GATA4: variants seen among roughly 807,000 people sequenced by gnomAD.
GATA4 encodes GATA binding protein 4, also known as transcription factor GATA-4.
A neutral mutation model predicts 37.9 loss-of-function variants in GATA4; 7 were observed. The ratio of observed to expected loss-of-function variants is 0.18; its 90% confidence interval spans 0.11 to 0.35. GATA4 has a LOEUF of 0.35. Ranked by LOEUF, GATA4 falls within the 10% of genes least tolerant of loss-of-function variation. The probability of loss-of-function intolerance (pLI) is 1.00; values close to 1 mark genes in which losing one functional copy is unlikely to be tolerated. For synonymous variants in GATA4, 372 were observed against 292.6 expected (o/e 1.27, Z -2.77); for missense variants, 647 against 653.0 (o/e 0.99, Z 0.10).
chr8:11,725,682 C>T (rs764590302), intron 2 of GATA4, among the ~76,000 whole-genome samples: 31 of 152,214 alleles, frequency 2.0e-4, no homozygotes, highest in Admixed American at 1.2e-3. Flanking sequence ...CTGCTGCCTG[C>T]CTGTCGTGGC....
chr8:11,752,364 G>A lies in GATA4; in HGVS notation c.912+2128G>A, dbSNP rs544077322. On this transcript the variant is annotated intron_variant, in intron 4 of 6. Transcript: ENST00000532059. ...CTTAATGGACTCACAGTTCCACATC[G>A]CTGGGGAGGCCTCACAATCATGGCG... Among the ~76,000 whole-genome samples, 14 of 152,294 alleles carry A rather than the reference G, an allele frequency of 9.2e-5. 2 individuals carry two copies. Among genetic ancestry groups the A allele is most frequent in the African/African-American group, 2.4e-4 (10 of 41,558 alleles).
At chr8:11,727,549 A>C (rs1291951967) in intron 2 of GATA4, among the ~76,000 whole-genome samples, 1 of 152,198 alleles carries the variant, frequency 6.6e-6, no homozygotes, top group African/African-American at 2.4e-5. Flanking sequence ...ACCTGATTTA[A>C]AATTCCTGCT....
chr8:11,727,576 C>G (rs972961897), intron 2 of GATA4, among the ~76,000 whole-genome samples: 27 of 152,206 alleles, frequency 1.8e-4, no homozygotes, highest in African/African-American at 6.5e-4. Flanking sequence ...GGTGCGGTGG[C>G]TCACACCTGT....
chr8:11,689,816 C>G (rs75807072), upstream of GATA4, among the ~76,000 whole-genome samples: 269 of 152,290 alleles, frequency 1.8e-3, 1 homozygote, highest in African/African-American at 6.1e-3. Context: ...TATCTCTGAT[C>G]CTCTCACCCT....
intron 2 of GATA4, among the ~76,000 whole-genome samples, chr8:11,741,828 C>T (rs1395739453): frequency 6.6e-6 from 1 of 152,234 alleles, no homozygotes; most frequent in African/African-American, 2.4e-5. Context: ...CTCTGAACTC[C>T]TGCAGCCCTT....
chr8:11,721,008 C>T (rs528952529), intron 2 of GATA4, among the ~76,000 whole-genome samples: 28 of 152,214 alleles, frequency 1.8e-4, no homozygotes, highest in Admixed American at 5.2e-4. Context: ...TCCCCATTCC[C>T]TGTGAGCCTG....
At chr8:11,696,903 C>G (rs1399137720) in intron 1 of GATA4, among the ~76,000 whole-genome samples, 1 of 152,228 alleles carries the variant, frequency 6.6e-6, no homozygotes. Context: ...CCCATCTGCT[C>G]AGGGAGAGTG....
chr8:11,726,886 A>T lies in GATA4; in HGVS notation c.616+17958A>T, dbSNP rs140632009. Among the ~76,000 whole-genome samples the T allele has an allele frequency of 6.6e-5, 10 of 152,168 alleles. No homozygotes were observed. In the East Asian group the frequency reaches 1.5e-3, roughly 24 times the overall value. ...TCTGGACCTGGAGCAGATGACTCAC[A>T]ATCTTTCCCTGCCAGCTTGCAGAGA... On this transcript the variant is annotated intron_variant, in intron 2 of 6. Coordinates refer to ENST00000532059, the MANE Select transcript of GATA4 (RefSeq NM_001308093.3).
chr8:11,754,995 G>T (rs1802482839), intron 4 of GATA4, 51 bp from the exon 5 acceptor site: 1 of 1,409,350 alleles, frequency 7.1e-7, no homozygotes, highest in South Asian at 1.2e-5. Flanking sequence ...CAATGCTGTA[G>T]CAGACTACGC....
chr8:11,748,771 G>T, intron 2 of GATA4, 145 bp from the exon 3 acceptor site: 1 of 890,826 alleles, frequency 1.1e-6, no homozygotes. Context: ...TCAGAGTGAG[G>T]AAGAGCAAGA....
intron 1 of GATA4, among the ~76,000 whole-genome samples, chr8:11,705,382 C>G (rs1382152317): frequency 6.6e-6 from 1 of 152,190 alleles, no homozygotes; most frequent in Non-Finnish European, 1.5e-5. Context: ...CGCTGCAGGC[C>G]GAGAGCGGAG....
At chr8:11,741,537 C>A (rs984406775) in intron 2 of GATA4, among the ~76,000 whole-genome samples, 6 of 152,056 alleles carry the variant, frequency 3.9e-5, no homozygotes, top group Admixed American at 1.3e-4. Flanking sequence ...CACAAGTTCG[C>A]GGACTTAGCT....
At chr8:11,692,492 C>T (rs1016684860), upstream of GATA4, 25 of 984,554 alleles carry the variant, frequency 2.5e-5, no homozygotes, top group Non-Finnish European at 2.9e-5. Context: ...TTTCTCCTCC[C>T]GTGCACAGCG....
chr8:11,696,765 A>C (rs953904804), intron 1 of GATA4, among the ~76,000 whole-genome samples: 1 of 152,188 alleles, frequency 6.6e-6, no homozygotes, highest in Non-Finnish European at 1.5e-5. Flanking sequence ...TGTGGAAAGA[A>C]AGATATGAAT....
chr8:11,734,677 G>C (rs969544547), intron 2 of GATA4, among the ~76,000 whole-genome samples: 1 of 152,020 alleles, frequency 6.6e-6, no homozygotes, highest in Non-Finnish European at 1.5e-5. Context: ...AGTAGAGATG[G>C]GGGGGTTTCA....
chr8:11,693,859 C>T (rs1370741806), intron 1 of GATA4, among the ~76,000 whole-genome samples: 1 of 152,162 alleles, frequency 6.6e-6, no homozygotes, highest in Non-Finnish European at 1.5e-5. Context: ...AGTGCATGAA[C>T]AGCACAGAGT....
intron 1 of GATA4, among the ~76,000 whole-genome samples, chr8:11,693,588 GAGAGAGAC>G (rs1484798185): frequency 6.7e-5 from 10 of 148,438 alleles, no homozygotes; most frequent in African/African-American, 2.5e-4. Flanking sequence ...GAGAGAGAGA[GAGAGAGAC>G]AGAGGATTGA....
At chr8:11,728,120 A>C (rs890449205) in intron 2 of GATA4, among the ~76,000 whole-genome samples, 4 of 152,050 alleles carry the variant, frequency 2.6e-5, no homozygotes, top group African/African-American at 9.7e-5. Context: ...CCTCCCGAGC[A>C]GCTGGGATTA....
chr8:11,742,800 C>T (rs538897791), intron 2 of GATA4, among the ~76,000 whole-genome samples: 1 of 152,370 alleles, frequency 6.6e-6, no homozygotes, highest in Admixed American at 6.5e-5. Flanking sequence ...GCCGCAGGGA[C>T]AGATCCGGGC....
Sources: gnomAD v4.1 joint callset for allele counts (sites outside exome capture counted in the v4.1 genomes callset) on GRCh38, gnomAD v4.1.1 for gene constraint, MANE v1.5 for transcripts, NCBI Gene and HGNC (gene_info 2026-07-23, HGNC 2026-07-21) for gene names.